Variants in ST6GALNAC6 observed in about 807,000 individuals in gnomAD.
The protein encoded by ST6GALNAC6 is alpha-N-acetylgalactosaminide alpha-2,6-sialyltransferase 6.
In ST6GALNAC6, 19 loss-of-function variants were observed where a neutral mutation model predicts 34.3. The ratio of observed to expected loss-of-function variants is 0.55; its 90% CI spans 0.39 to 0.81. The LOEUF is 0.81. Ranked by LOEUF, ST6GALNAC6 falls within the 40% of genes least tolerant of loss-of-function variation. The pLI is 0.00. For missense variants in ST6GALNAC6, 377 were observed against 467.7 expected, an observed-to-expected ratio of 0.81 and a Z score of 1.79; for synonymous variants, 185 against 182.1, an observed-to-expected ratio of 1.02 and a Z score of -0.13.
chr9:127,891,497 A>C (rs55998027), intron 4 of ST6GALNAC6, among the ~76,000 whole-genome samples: 6 of 151,242 alleles, frequency 4.0e-5, no homozygotes, highest in Admixed American at 6.6e-5. Flanking sequence ...CGTGCCTGTA[A>C]TCACAGCTAC....
intron 2 of ST6GALNAC6, 57 bp downstream of exon 2, chr9:127,897,898 AG>A (rs1830568514): frequency 1.5e-5 from 24 of 1,612,898 alleles, no homozygotes; most frequent in Non-Finnish European, 2.0e-5. Flanking sequence ...TGCTCTGAGA[AG>A]GCCATGGTCA....
chr9:127,890,879 G>A lies in ST6GALNAC6; in HGVS notation c.462C>T (p.Arg154=), dbSNP rs748714157. ...GGAACACACTGGAATGGGCCACGAC[G>A]CGGTAGGTGGTCTTGTTGCCCACAT... is the stretch of plus-strand genomic sequence containing the variant. ...SADVGNKTTY[R]VVAHSSVFRV... is the part of the protein sequence containing the mutation. Residue 154 remains arginine, a synonymous_variant, in exon 5 of 7, where the codon CGC becomes CGT. Transcript: ENST00000373146. The surrounding 1 kb of genome is among the most constrained non-coding windows in gnomAD (Gnocchi z 4.3). 8.1e-6 allele frequency: 13 copies of A among 1,614,068 alleles called. No individual in the cohort carries two copies. The highest frequency in any genetic ancestry group is 1.7e-5 in the Admixed American group (1 of 60,000).
At position 127,890,530 on chromosome 9, in the gene ST6GALNAC6, T is replaced by C. The variant is rs1830070015; in HGVS notation, c.704+107A>G. On this transcript the variant is annotated intron_variant, in intron 5 of 6. Transcript: ENST00000373146. The surrounding 1 kb of genome is among the most constrained non-coding windows in gnomAD (Gnocchi z 4.3). ...GGCCCAACCAGAGGACGGCGGGACT[T>C]GACTACCCCTCAGAGCAGTGCATGC... The C allele has an allele frequency of 6.6e-7, 1 of 1,515,668 alleles. No individual in the cohort carries two copies. Among genetic ancestry groups the C allele is most frequent in the Non-Finnish European group, 9.0e-7 (1 of 1,117,094 alleles). The allele number at this position is 1,515,668 out of a possible 1,614,324, so 93.9% of individuals were successfully genotyped here. A position where few individuals can be genotyped will look rare whatever the true frequency, so the allele number is the denominator to read the frequency against.
At chr9:127,886,850 T>C in intron 6 of ST6GALNAC6, 62 bp from the exon 7 acceptor site, 2 of 1,493,110 alleles carry the variant, frequency 1.3e-6, no homozygotes, top group Non-Finnish European at 1.8e-6. Flanking sequence ...CCTTGCCCTT[T>C]CAGCCCCTCG....
upstream of ST6GALNAC6, among the ~76,000 whole-genome samples, chr9:127,906,273 C>G (rs1235079138): frequency 6.6e-6 from 1 of 151,824 alleles, no homozygotes; most frequent in Non-Finnish European, 1.5e-5. Flanking sequence ...AACAAACAAA[C>G]AAAAAACCCT....
chr9:127,894,652 T>G lies in ST6GALNAC6; in HGVS notation c.157A>C (p.Ile53Leu), dbSNP rs1360042950. The G allele has an allele frequency of 5.0e-6, 8 of 1,614,200 alleles. No individual in the cohort carries two copies. Among genetic ancestry groups the G allele is most frequent in the Non-Finnish European group, 6.8e-6 (8 of 1,180,028 alleles). ...SAVFVILFALITILILYSSNS... is the reference protein window; with the variant it reads ...SAVFVILFALLTILILYSSNS... ...GAGCTGTAGAGGATGAGGATGGTGA[T>G]GAGGGCAAAGAGGATCACGAACACT... Residue 53 changes from isoleucine (I) to leucine (L), a missense_variant, in exon 4 of 7, where the codon ATC becomes CTC. Physicochemically the swap from Ile to Leu is conservative, Grantham distance 5. Coordinates refer to ENST00000373146, the MANE Select transcript of ST6GALNAC6 (RefSeq NM_013443.5).
chr9:127,902,376 G>A (rs1273909893), upstream of ST6GALNAC6, among the ~76,000 whole-genome samples: 1 of 151,950 alleles, frequency 6.6e-6, no homozygotes, highest in Non-Finnish European at 1.5e-5. Flanking sequence ...GGCCAGGCTG[G>A]TCTCGAACTC....
chr9:127,886,775 G>A lies in ST6GALNAC6; in HGVS notation c.826C>T (p.Leu276Phe). The A allele has an allele frequency of 6.2e-7, 1 of 1,608,110 alleles. No homozygotes were observed. The highest frequency in any genetic ancestry group is 2.2e-5 in the East Asian group (1 of 44,872). ...TAGTAGTGGTAGGGCATGCGCTGGA[G>A]GCGGGGCCGCTGGCTGGGACAGAGC... ...PPNYCSQRPR[L>F]QRMPYHYYEP... The change falls in exon 7 of 7, where the codon CTC becomes TTC. Residue 276 changes from leucine to phenylalanine, a missense_variant. Leu to Phe is a conservative substitution (Grantham distance 22). Transcript: ENST00000373146.
At chr9:127,894,736 T>C (rs1359972546) in intron 3 of ST6GALNAC6, 45 bp from the exon 4 acceptor site, 2 of 1,447,610 alleles carry the variant, frequency 1.4e-6, no homozygotes, top group Admixed American at 4.6e-5. Flanking sequence ...CCGGGCAGGC[T>C]CAGCGCCCCC....
chr9:127,891,060 G>C lies in ST6GALNAC6; in HGVS notation c.298-17C>G. ...GGGCAGTGTCTGGTGGATAAGGAAA[G>C]TCAACATTATCACGGCCACTCTGTG... On this transcript the variant is annotated splice_polypyrimidine_tract_variant and intron_variant, in intron 4 of 6. Coordinates refer to ENST00000373146, the MANE Select transcript of ST6GALNAC6 (RefSeq NM_013443.5). 1 of 1,612,076 alleles carries C rather than the reference G, an allele frequency of 6.2e-7. No individual in the cohort carries two copies. Among genetic ancestry groups the C allele is most frequent in the Non-Finnish European group, 8.5e-7 (1 of 1,178,960 alleles).
At position 127,885,812 on chromosome 9, in the gene ST6GALNAC6, A is replaced by C. The variant is rs1430253065; in HGVS notation, c.*787T>G. Reference sequence around the variant, plus strand: ...TTCCTTCAGAGTCCCCCAACCCTGAAGGAGTTTGCGCAAAAATACCCTAAA... The same window carrying C: ...TTCCTTCAGAGTCCCCCAACCCTGACGGAGTTTGCGCAAAAATACCCTAAA... On this transcript the variant is annotated 3_prime_UTR_variant, in exon 7 of 7. Transcript: ENST00000373146. 6.6e-6 allele frequency: 1 copy of C among 152,208 alleles called. No individual in the cohort carries two copies. Among genetic ancestry groups the C allele is most frequent in the Non-Finnish European group, 1.5e-5 (1 of 68,046 alleles). 9.4% of individuals were successfully genotyped at this position (152,208 alleles called of 1,614,324 possible). A position where few individuals can be genotyped will look rare whatever the true frequency, so the allele number is the denominator to read the frequency against.
Position 127,886,386 on chromosome 9 carries a change from C to T in ST6GALNAC6, c.*213G>A, listed in dbSNP as rs983088942. 3.6e-6 allele frequency: 5 copies of T among 1,399,712 alleles called. No individual in the cohort carries two copies. Among genetic ancestry groups the T allele is most frequent in the Non-Finnish European group, 4.7e-6 (5 of 1,066,478 alleles). The allele number at this position is 1,399,712 out of a possible 1,614,324, so 86.7% of individuals were successfully genotyped here. A position where few individuals can be genotyped will look rare whatever the true frequency, so the allele number is the denominator to read the frequency against. On this transcript the variant is annotated 3_prime_UTR_variant, in exon 7 of 7. Coordinates refer to ENST00000373146, the MANE Select transcript of ST6GALNAC6 (RefSeq NM_013443.5). ...GCAGACCCTGACTGCACAAGAAAGACACCCCTGATTAACCGCATAGACTCC... is the reference window on the plus strand; with the variant it reads ...GCAGACCCTGACTGCACAAGAAAGATACCCCTGATTAACCGCATAGACTCC...
At chr9:127,896,427 G>A (rs1430944306) in intron 2 of ST6GALNAC6, 95 bp from the exon 3 acceptor site, 1 of 1,076,334 alleles carries the variant, frequency 9.3e-7, no homozygotes, top group Non-Finnish European at 1.4e-6. Context: ...GTTCTTCTAT[G>A]CACCCAGAAC....
At chr9:127,899,399 T>G (rs1830660423) in intron 1 of ST6GALNAC6, 104 bp downstream of exon 1, 1 of 638,084 alleles carries the variant, frequency 1.6e-6, no homozygotes. Flanking sequence ...CCCGCATCCA[T>G]CCCCATCCCC....
Position 127,896,245 on chromosome 9 carries a change from G to T in ST6GALNAC6, c.114C>A (p.Asn38Lys), listed in dbSNP as rs1331529198. 6.2e-7 allele frequency: 1 copy of T among 1,614,030 alleles called. No individual in the cohort carries two copies. Among genetic ancestry groups the T allele is most frequent in the Admixed American group, 1.7e-5 (1 of 59,998 alleles). Residue 38 changes from asparagine to lysine, a missense_variant, in exon 3 of 7, where the codon AAC (asparagine) becomes AAA (lysine). By Grantham distance (94) the Asn-to-Lys change is moderately conservative. Coordinates refer to ENST00000373146, the MANE Select transcript of ST6GALNAC6 (RefSeq NM_013443.5). Reference sequence around the variant, plus strand: ...TAAGAAATGAAGGCAGACTTACTTTGTTGCTACTCATTTCTCTCCGGCGTC... The same window carrying T: ...TAAGAAATGAAGGCAGACTTACTTTTTTGCTACTCATTTCTCTCCGGCGTC... ...LSRRRREMSS[N>K]KEQRSAVFVI...
chr9:127,905,367 A>G, upstream of ST6GALNAC6: 1 of 985,290 alleles, frequency 1.0e-6, no homozygotes, highest in Admixed American at 6.2e-5. Context: ...CCAGGTCACC[A>G]CCCCCAGAAA....
In ST6GALNAC6 at chr9:127,899,578, C is replaced by G. The variant is rs913588552; in HGVS notation, c.-105G>C. ...GCGCCGGGAGCCGAGCGCCGGGGTCCGCGCTCCTCAGGCCGCCCAGGCCTC... is the reference window on the plus strand; with the variant it reads ...GCGCCGGGAGCCGAGCGCCGGGGTCGGCGCTCCTCAGGCCGCCCAGGCCTC... On this transcript the variant is annotated 5_prime_UTR_variant, in exon 1 of 7. Coordinates refer to ENST00000373146, the MANE Select transcript of ST6GALNAC6 (RefSeq NM_013443.5). The G allele has an allele frequency of 7.1e-6, 7 of 981,248 alleles. No homozygotes were observed. Among genetic ancestry groups the G allele is most frequent in the Admixed American group, 6.3e-5 (1 of 15,904 alleles). The allele number at this position is 981,248 out of a possible 1,614,324, so 60.8% of individuals were successfully genotyped here. A position where few individuals can be genotyped will look rare whatever the true frequency, so the allele number is the denominator to read the frequency against.
rs766124341 is a variant in ST6GALNAC6 at position 127,894,711 on chromosome 9, G to A, written c.118-20C>T. 1.3e-5 allele frequency: 21 copies of A among 1,602,438 alleles called. No homozygotes were observed. Among genetic ancestry groups the A allele is most frequent in the Middle Eastern group, 1.7e-4 (1 of 6,028 alleles). ...CTGCTCCTGGAGAGAGGAGAGGTCA[G>A]TGAGGGCCCAGCTGCCGGGCAGGCT... On this transcript the variant is annotated intron_variant, in intron 3 of 6. Transcript: ENST00000373146.
intron 6 of ST6GALNAC6, among the ~76,000 whole-genome samples, chr9:127,887,130 A>G (rs766742144): frequency 1.3e-5 from 2 of 152,074 alleles, no homozygotes; most frequent in African/African-American, 4.8e-5. Context: ...TCATTTAATT[A>G]ATGGGAAGAA....
Sources: gnomAD v4.1 joint callset for allele counts (sites outside exome capture counted in the v4.1 genomes callset) on GRCh38, gnomAD v4.1.1 for gene constraint, Gnocchi (gnomAD v3.1) non-coding constraint, MANE v1.5 for transcripts, NCBI Gene and HGNC (gene_info 2026-07-23, HGNC 2026-07-21) for gene names.